MARCHF1: variants seen among roughly 807,000 people sequenced by gnomAD.
The protein encoded by MARCHF1 is membrane associated ring-CH-type finger 1, also known as E3 ubiquitin-protein ligase MARCHF1.
A neutral mutation model predicts 54.2 loss-of-function variants in MARCHF1; 40 were observed. That is an observed-to-expected ratio of 0.74 (90% CI 0.57 to 0.96). The LOEUF (loss-of-function observed/expected upper bound fraction) is 0.96. Among genes scored for constraint, MARCHF1 ranks in the 40% least tolerant of loss-of-function variants. The pLI is 0.00. For missense variants in MARCHF1, 586 were observed against 656.5 expected, an observed-to-expected ratio of 0.89 and a Z score of 1.17; for synonymous variants, 236 against 236.3, an observed-to-expected ratio of 1.00 and a Z score of 0.01.
At chr4:164,040,424 A>T (rs577492163) in intron 2 of MARCHF1, among the ~76,000 whole-genome samples, 1 of 147,238 alleles carries the variant, frequency 6.8e-6, no homozygotes, top group Admixed American at 6.8e-5. Flanking sequence ...ATATCCTTGT[A>T]TATATAAATA....
intron 2 of MARCHF1, among the ~76,000 whole-genome samples, chr4:164,049,425 G>A (rs1332173978): frequency 2.0e-5 from 3 of 151,888 alleles, no homozygotes; most frequent in Admixed American, 1.3e-4. Context: ...CAATCTTGGG[G>A]AACAGATACT....
At chr4:163,538,182 C>G (rs1439634383) in intron 9 of MARCHF1, among the ~76,000 whole-genome samples, 1 of 152,180 alleles carries the variant, frequency 6.6e-6, no homozygotes, top group Non-Finnish European at 1.5e-5. Context: ...ATGGACTTCA[C>G]AGCTCATTCT....
intron 3 of MARCHF1, among the ~76,000 whole-genome samples, chr4:163,945,377 C>A (rs1752003831): frequency 6.6e-6 from 1 of 152,086 alleles, no homozygotes; most frequent in Non-Finnish European, 1.5e-5. Context: ...TGATAATAAG[C>A]ATGTATCTTC....
At chr4:164,209,719 A>T (rs1165062099) in intron 1 of MARCHF1, among the ~76,000 whole-genome samples, 1 of 152,194 alleles carries the variant, frequency 6.6e-6, no homozygotes, top group African/African-American at 2.4e-5. Flanking sequence ...CCTTACTTGA[A>T]TCACTGGCTT....
At chr4:164,201,260 G>GC (rs1405531784) in intron 1 of MARCHF1, among the ~76,000 whole-genome samples, 1 of 152,076 alleles carries the variant, frequency 6.6e-6, no homozygotes, top group Admixed American at 6.6e-5. Flanking sequence ...TCGCTCTGTT[G>GC]CCAGGCTGGA....
At chr4:163,889,926 CTTT>C (rs1230221196) in intron 3 of MARCHF1, among the ~76,000 whole-genome samples, 1 of 50,838 alleles carries the variant, frequency 2.0e-5, no homozygotes, top group Non-Finnish European at 4.1e-5. Flanking sequence ...TTTCTTTTTT[CTTT>C]TTTTTTTTTT....
intron 2 of MARCHF1, among the ~76,000 whole-genome samples, chr4:164,014,563 T>C (rs898946759): frequency 6.6e-6 from 1 of 152,050 alleles, no homozygotes; most frequent in Non-Finnish European, 1.5e-5. Flanking sequence ...TAACAATGAA[T>C]GTAAATGGAC....
intron 1 of MARCHF1, among the ~76,000 whole-genome samples, chr4:164,302,266 TG>T (rs1160316125): frequency 2.0e-5 from 3 of 152,200 alleles, no homozygotes; most frequent in African/African-American, 7.2e-5. Flanking sequence ...GGGCTTCTTA[TG>T]GGCTATTTTT....
At chr4:164,123,951 AAAGTG>A (rs1327124766) in intron 1 of MARCHF1, among the ~76,000 whole-genome samples, 2 of 152,162 alleles carry the variant, frequency 1.3e-5, no homozygotes, top group Admixed American at 6.6e-5. Context: ...AACAATCAAC[AAAGTG>A]AAGAGACAAT....
At chr4:164,278,010 G>T (rs1314229563) in intron 1 of MARCHF1, among the ~76,000 whole-genome samples, 1 of 152,146 alleles carries the variant, frequency 6.6e-6, no homozygotes. Flanking sequence ...ATAACCAATA[G>T]ATTTTTTAAA....
chr4:163,993,758 A>G (rs189975265), intron 2 of MARCHF1, among the ~76,000 whole-genome samples: 40 of 152,178 alleles, frequency 2.6e-4, no homozygotes, highest in Admixed American at 2.6e-3. Context: ...TTGTTGAGAG[A>G]CTAAAAAGAA....
chr4:163,976,960 G>A (rs929633404), intron 3 of MARCHF1, among the ~76,000 whole-genome samples: 14 of 152,114 alleles, frequency 9.2e-5, no homozygotes, highest in African/African-American at 1.4e-4. Context: ...ATTCATGGGC[G>A]TTAAAAAATA....
At chr4:164,060,048 G>A (rs1754581868) in intron 2 of MARCHF1, among the ~76,000 whole-genome samples, 1 of 152,024 alleles carries the variant, frequency 6.6e-6, no homozygotes. Flanking sequence ...AATTAAATTA[G>A]ATAATTTAGT....
chr4:163,871,101 ATATGTACAATCAT>A (rs1223019925), intron 3 of MARCHF1, among the ~76,000 whole-genome samples: 1 of 152,180 alleles, frequency 6.6e-6, no homozygotes, highest in African/African-American at 2.4e-5. Context: ...TACACCATTA[ATATGTACAATCAT>A]TATGTGTCAA....
Position 164,279,306 on chromosome 4 carries a change from T to C in MARCHF1, c.-323+104564A>G, listed in dbSNP as rs181974499. On this transcript the variant is annotated intron_variant, in intron 1 of 9. Transcript: ENST00000514618. ...TAGAAGATAAGTAAATAAATTAATA[T>C]ACTAGGAAAAAACAAGGGAAATATA... Among the ~76,000 whole-genome samples the C allele has an allele frequency of 2.5e-3, 372 of 151,378 alleles. 1 individual carries two copies. Among genetic ancestry groups the C allele is most frequent in the Non-Finnish European group, 3.0e-3 (201 of 67,640 alleles).
intron 4 of MARCHF1, among the ~76,000 whole-genome samples, chr4:163,758,844 A>G (rs768588715): frequency 6.6e-6 from 1 of 152,162 alleles, no homozygotes; most frequent in Non-Finnish European, 1.5e-5. Context: ...GATATTGAAC[A>G]TATTATTGTA....
intron 4 of MARCHF1, among the ~76,000 whole-genome samples, chr4:163,769,610 C>T (rs1424731616): frequency 6.6e-6 from 1 of 152,122 alleles, no homozygotes; most frequent in East Asian, 1.9e-4. Flanking sequence ...ATAAAAGCTA[C>T]CTGACGACTA....
intron 1 of MARCHF1, among the ~76,000 whole-genome samples, chr4:164,124,189 AAATTACAATGAAATATAATTT>A (rs963707437): frequency 3.9e-5 from 6 of 152,216 alleles, no homozygotes; most frequent in Admixed American, 3.3e-4. Context: ...GTGCAAATCA[AAATTACAATGAAATATAATTT>A]AATTACAATG....
At chr4:163,735,634 G>A (rs2111341112) in intron 4 of MARCHF1, among the ~76,000 whole-genome samples, 1 of 152,234 alleles carries the variant, frequency 6.6e-6, no homozygotes, top group East Asian at 1.9e-4. Context: ...CATTAATAAG[G>A]GAGAAGCCCT....
Sources: allele counts gnomAD v4.1 joint callset (sites outside exome capture counted in the v4.1 genomes callset), GRCh38; gene constraint gnomAD v4.1.1; transcripts MANE v1.5; gene names NCBI Gene and HGNC (gene_info 2026-07-23, HGNC 2026-07-21).